TENM4: variants seen among roughly 807,000 people sequenced by gnomAD.
The protein encoded by TENM4 is teneurin transmembrane protein 4.
TENM4 carries 82 observed loss-of-function variants against 243.3 expected under a neutral mutation model. That is an observed-to-expected ratio of 0.34 (90% CI 0.28 to 0.40). The LOEUF (loss-of-function observed/expected upper bound fraction) is 0.40, where lower values mean the gene tolerates loss of function less well. TENM4 is among the 10% of genes least tolerant of loss of function. The probability of loss-of-function intolerance (pLI) is 1.00; values close to 1 mark genes in which losing one functional copy is unlikely to be tolerated. For missense variants in TENM4, 3,138 were observed against 3,673.3 expected (o/e 0.85, Z 3.77); for synonymous variants, 1,412 against 1,456.3 (o/e 0.97, Z 0.69).
In TENM4 at chr11:78,697,592, C is replaced by G. The variant is rs575343453; in HGVS notation, c.5087+3934G>C. ...TCTCACTACAGCATATCTTTTCTTC[C>G]TGTCTCTATTTCCCTTCCATTCTGA... On this transcript the variant is annotated intron_variant, in intron 28 of 33. Coordinates refer to ENST00000278550, the MANE Select transcript of TENM4 (RefSeq NM_001098816.3). 3.3e-5 allele frequency among the ~76,000 whole-genome samples: 5 copies of G among 152,290 alleles called. No individual in the cohort carries two copies. In the East Asian group the frequency reaches 9.7e-4, roughly 29 times the overall value.
intron 3 of TENM4, among the ~76,000 whole-genome samples, chr11:79,211,727 A>G (rs1287852582): frequency 2.6e-5 from 4 of 152,246 alleles, no homozygotes; most frequent in African/African-American, 9.6e-5. Context: ...GATAAATGAC[A>G]ATTTTAACAT....
chr11:78,870,011 G>C (rs926295060), intron 9 of TENM4, among the ~76,000 whole-genome samples: 2 of 152,232 alleles, frequency 1.3e-5, no homozygotes, highest in Non-Finnish European at 2.9e-5. Context: ...CACAGGCACA[G>C]TCAGTCTGTG....
intron 6 of TENM4, among the ~76,000 whole-genome samples, chr11:78,917,297 C>T (rs1245425842): frequency 6.6e-6 from 1 of 152,204 alleles, no homozygotes; most frequent in African/African-American, 2.4e-5. Flanking sequence ...ACGCCTCTAC[C>T]TTCACCGAAG....
intron 3 of TENM4, among the ~76,000 whole-genome samples, chr11:79,164,567 A>C (rs562559342): frequency 7.9e-6 from 1 of 125,904 alleles, no homozygotes; most frequent in African/African-American, 3.2e-5. Context: ...TATATATACT[A>C]TATACTATAT....
intron 3 of TENM4, among the ~76,000 whole-genome samples, chr11:79,171,125 A>G (rs947060378): frequency 1.3e-5 from 2 of 152,144 alleles, no homozygotes; most frequent in Non-Finnish European, 2.9e-5. Flanking sequence ...ATCTTCTCCT[A>G]TCTTACCTGT....
intron 8 of TENM4, among the ~76,000 whole-genome samples, chr11:78,890,949 C>T (rs1377945078): frequency 1.3e-5 from 2 of 152,196 alleles, no homozygotes; most frequent in South Asian, 2.1e-4. Flanking sequence ...AGAGTCCATA[C>T]AATACAGGGC....
chr11:79,222,406 T>C (rs1197952158), intron 2 of TENM4, among the ~76,000 whole-genome samples: 1 of 152,244 alleles, frequency 6.6e-6, no homozygotes, highest in East Asian at 1.9e-4. Flanking sequence ...CAGTCTATCA[T>C]TGATGGGCAT....
intron 4 of TENM4, among the ~76,000 whole-genome samples, chr11:79,079,287 G>A (rs780353956): frequency 2.6e-5 from 4 of 152,206 alleles, no homozygotes; most frequent in Non-Finnish European, 5.9e-5. Context: ...GTATCAAAGG[G>A]CAGACAGCTG....
At chr11:79,382,334 C>T (rs765047575) in intron 1 of TENM4, among the ~76,000 whole-genome samples, 19 of 152,178 alleles carry the variant, frequency 1.2e-4, no homozygotes, top group Non-Finnish European at 2.8e-4. Flanking sequence ...CAGACACATG[C>T]TCTTTTGTTC....
At chr11:79,085,110 T>C (rs561883628) in intron 4 of TENM4, among the ~76,000 whole-genome samples, 2 of 152,180 alleles carry the variant, frequency 1.3e-5, no homozygotes, top group African/African-American at 2.4e-5. Context: ...TAGTGGCTCA[T>C]GCCTGTAATC....
chr11:79,313,521 C>T (rs1856754737), intron 1 of TENM4, among the ~76,000 whole-genome samples: 1 of 152,214 alleles, frequency 6.6e-6, no homozygotes, highest in Admixed American at 6.5e-5. Context: ...TTGCTAATAA[C>T]TCTTTCACAG....
rs115669145 is a variant in TENM4 at position 79,288,742 on chromosome 11, G to A, written c.-265+8746C>T. Among the ~76,000 whole-genome samples the A allele has an allele frequency of 2.7e-3, 408 of 152,314 alleles. 4 individuals carry two copies. The highest frequency in any genetic ancestry group is 9.6e-3 in the African/African-American group (397 of 41,570). ...CTAATGTGAATGTAATTTGCTGTTTGTATGGAGGCTAGAGAGGCTAAGCAG... is the reference window on the plus strand; with the variant it reads ...CTAATGTGAATGTAATTTGCTGTTTATATGGAGGCTAGAGAGGCTAAGCAG... On this transcript the variant is annotated intron_variant, in intron 2 of 33. Coordinates refer to ENST00000278550, the MANE Select transcript of TENM4 (RefSeq NM_001098816.3).
intron 27 of TENM4, 129 bp downstream of exon 27, chr11:78,708,232 A>G (rs1030724895): frequency 1.6e-6 from 2 of 1,250,952 alleles, no homozygotes; most frequent in Non-Finnish European, 2.2e-6. Flanking sequence ...TGCTCATCAC[A>G]GCCTGGCACC....
At chr11:78,777,641 CAAGAG>C (rs552588195) in intron 17 of TENM4, among the ~76,000 whole-genome samples, 8 of 152,098 alleles carry the variant, frequency 5.3e-5, no homozygotes, top group Non-Finnish European at 1.2e-4. Flanking sequence ...GTCCTGTTAG[CAAGAG>C]AAGAGAAGTT....
At chr11:78,727,904 T>C (rs929779952) in intron 22 of TENM4, among the ~76,000 whole-genome samples, 1 of 152,224 alleles carries the variant, frequency 6.6e-6, no homozygotes. Flanking sequence ...AAGTTTCTTG[T>C]AGATGCCATA....
chr11:78,708,663 G>A, intron 26 of TENM4, 148 bp from the exon 27 acceptor site: 9 of 978,046 alleles, frequency 9.2e-6, no homozygotes, highest in Non-Finnish European at 1.3e-5. Context: ...CAAAGAGGAG[G>A]AGTCTCAGGC....
chr11:79,416,461 A>C (rs951043424), intron 1 of TENM4, among the ~76,000 whole-genome samples: 2 of 152,194 alleles, frequency 1.3e-5, no homozygotes, highest in African/African-American at 4.8e-5. Flanking sequence ...CATTTCTCTA[A>C]TGACTAATGA....
intron 4 of TENM4, among the ~76,000 whole-genome samples, chr11:79,102,563 G>C (rs1247482174): frequency 1.3e-5 from 2 of 152,256 alleles, no homozygotes; most frequent in African/African-American, 4.8e-5. Context: ...ACATCTGTGA[G>C]ATGTTATGAG....
At chr11:78,738,358 T>A in intron 20 of TENM4, 93 bp downstream of exon 20, 16 of 1,489,136 alleles carry the variant, frequency 1.1e-5, no homozygotes, top group Non-Finnish European at 1.3e-5. Context: ...CCAAGACCCA[T>A]CCTCTTTCCA....
Sources: gnomAD v4.1 joint callset for allele counts (sites outside exome capture counted in the v4.1 genomes callset) on GRCh38, gnomAD v4.1.1 for gene constraint, MANE v1.5 for transcripts, NCBI Gene and HGNC (gene_info 2026-07-23, HGNC 2026-07-21) for gene names.